DMTF1: variants seen among roughly 807,000 people sequenced by gnomAD.
The protein encoded by DMTF1 is cyclin-D-binding Myb-like transcription factor 1.
In DMTF1, 39 loss-of-function variants were observed where a neutral mutation model predicts 91.1. The ratio of observed to expected loss-of-function variants is 0.43; its 90% CI spans 0.33 to 0.56. DMTF1 has a LOEUF of 0.56. Among genes scored for constraint, DMTF1 ranks in the 20% least tolerant of loss-of-function variants. The pLI is 0.05. For missense variants in DMTF1, 750 were observed against 914.5 expected, an observed-to-expected ratio of 0.82 and a Z score of 2.32; for synonymous variants, 338 against 309.5, an observed-to-expected ratio of 1.09 and a Z score of -0.97.
intron 15 of DMTF1, 26 bp downstream of exon 15, chr7:87,193,379 T>C: frequency 6.2e-7 from 1 of 1,611,398 alleles, no homozygotes; most frequent in Non-Finnish European, 8.5e-7. Context: ...TACTTGATTT[T>C]TGAGTACCTG....
At chr7:87,157,216 A>G (rs994225102) in intron 1 of DMTF1, among the ~76,000 whole-genome samples, 1 of 152,130 alleles carries the variant, frequency 6.6e-6, no homozygotes, top group African/African-American at 2.4e-5. Flanking sequence ...TAACTCACCT[A>G]ACAAAATTGT....
At chr7:87,170,321 G>C (rs1794780630) in intron 4 of DMTF1, among the ~76,000 whole-genome samples, 1 of 152,142 alleles carries the variant, frequency 6.6e-6, no homozygotes, top group Non-Finnish European at 1.5e-5. Context: ...ATAGCAGCCA[G>C]AGTGAGCCTC....
At chr7:87,170,345 T>C (rs6952842) in intron 4 of DMTF1, among the ~76,000 whole-genome samples, 113,918 of 152,080 alleles carry the variant, frequency 0.75, 42,895 homozygotes, top group Middle Eastern at 0.87. Context: ...AAATAAAAGA[T>C]TATATTATTC....
At position 87,181,299 on chromosome 7, in the gene DMTF1, G is replaced by A. The variant is rs773202655; in HGVS notation, c.678-10G>A. The stretch of plus-strand genomic sequence containing the variant: ...TAATTGATTTTTTAAAAATTTCTCT[G>A]AATTTCTAGATATACACCTGAAGAA... On this transcript the variant is annotated splice_polypyrimidine_tract_variant and intron_variant, in intron 8 of 17. Coordinates refer to ENST00000331242, the MANE Select transcript of DMTF1 (RefSeq NM_001142327.2). 3 of 1,234,640 alleles carry A rather than the reference G, an allele frequency of 2.4e-6. No homozygotes were observed. The highest frequency in any genetic ancestry group is 1.3e-5 in the South Asian group (1 of 75,988). 76.5% of individuals were successfully genotyped at this position (1,234,640 alleles called of 1,614,324 possible).
At chr7:87,167,943 G>C (rs1794213816) in intron 4 of DMTF1, among the ~76,000 whole-genome samples, 1 of 152,100 alleles carries the variant, frequency 6.6e-6, no homozygotes, top group Admixed American at 6.5e-5. Context: ...GCAATGTCTT[G>C]TTCATGATTG....
At chr7:87,155,457 C>T (rs899834885) in intron 1 of DMTF1, 2 of 151,958 alleles carry the variant, frequency 1.3e-5, no homozygotes, top group Non-Finnish European at 2.9e-5. Flanking sequence ...AATTGCAGCT[C>T]CTTTATGTCT....
chr7:87,187,817 G>T, intron 12 of DMTF1: 1 of 428,384 alleles, frequency 2.3e-6, no homozygotes, highest in Non-Finnish European at 4.2e-6. Flanking sequence ...AAAATGTCCT[G>T]TTTCCATGTT....
At chr7:87,171,382 C>T (rs956091741) in intron 5 of DMTF1, among the ~76,000 whole-genome samples, 1 of 152,108 alleles carries the variant, frequency 6.6e-6, no homozygotes, top group African/African-American at 2.4e-5. Context: ...TAACTTTAGA[C>T]ACAAAATGGA....
At chr7:87,164,519 A>T (rs893092820) in intron 2 of DMTF1, among the ~76,000 whole-genome samples, 3 of 152,228 alleles carry the variant, frequency 2.0e-5, no homozygotes, top group Non-Finnish European at 4.4e-5. Context: ...AAATGTTTTG[A>T]AAAAATAATT....
rs1305610225 is a variant in DMTF1, at chr7:87,194,726, A to G, written c.2071A>G (p.Ile691Val). 1.2e-6 allele frequency: 2 copies of G among 1,611,040 alleles called. No individual in the cohort carries two copies. The highest frequency in any genetic ancestry group is 2.2e-5 in the East Asian group (1 of 44,762). Reference protein sequence around the residue: ...PTIEEQVDQTIDDETILIVPS... With the variant: ...PTIEEQVDQTVDDETILIVPS... Reference sequence around the variant, plus strand: ...TATAGAAGAACAAGTTGATCAAACAATTGATGATGAAACAATACTTATCGT... The same window carrying G: ...TATAGAAGAACAAGTTGATCAAACAGTTGATGATGAAACAATACTTATCGT... Residue 691 changes from isoleucine to valine, a missense_variant, in exon 17 of 18, where the codon ATT (isoleucine) becomes GTT (valine). By Grantham distance (29) the Ile-to-Val change is conservative. This residue lies in a region of DMTF1 where 410 missense variants were observed against 420.2 expected (regional missense o/e 0.98). Transcript: ENST00000331242.
At chr7:87,180,825 AAAAAAT>A (rs1363230284) in intron 8 of DMTF1, among the ~76,000 whole-genome samples, 2 of 152,044 alleles carry the variant, frequency 1.3e-5, no homozygotes, top group Non-Finnish European at 2.9e-5. Context: ...ACTGTTTAAA[AAAAAAT>A]AAAAATAGAA....
At chr7:87,175,578 A>G (rs1796098513) in intron 7 of DMTF1, among the ~76,000 whole-genome samples, 1 of 152,178 alleles carries the variant, frequency 6.6e-6, no homozygotes, top group Admixed American at 6.5e-5. Flanking sequence ...AAAGCCTGGT[A>G]TCATGTGAAT....
intron 13 of DMTF1, among the ~76,000 whole-genome samples, chr7:87,190,311 A>C (rs906731704): frequency 5.9e-5 from 9 of 152,220 alleles, no homozygotes; most frequent in African/African-American, 2.2e-4. Flanking sequence ...AGGTAAAAAA[A>C]AAAATACCTG....
intron 4 of DMTF1, among the ~76,000 whole-genome samples, chr7:87,167,124 T>C (rs1166426802): frequency 6.6e-6 from 1 of 152,234 alleles, no homozygotes; most frequent in Non-Finnish European, 1.5e-5. Context: ...AGAGCATATC[T>C]AGGCATTCTG....
At chr7:87,175,054 T>C (rs548504731) in intron 7 of DMTF1, among the ~76,000 whole-genome samples, 1 of 151,718 alleles carries the variant, frequency 6.6e-6, no homozygotes, top group African/African-American at 2.4e-5. Flanking sequence ...AGTCTTGCTC[T>C]GTTGCCCAGG....
intron 2 of DMTF1, among the ~76,000 whole-genome samples, chr7:87,164,007 G>A (rs1793161048): frequency 1.5e-5 from 2 of 137,630 alleles, no homozygotes; most frequent in South Asian, 4.8e-4. Flanking sequence ...CTGTGCCTGT[G>A]AATAGCCTCT....
intron 7 of DMTF1, 50 bp downstream of exon 7, chr7:87,174,719 G>A (rs1795862741): frequency 2.3e-6 from 3 of 1,307,310 alleles, no homozygotes; most frequent in East Asian, 4.7e-5. Flanking sequence ...ATTGCCAATT[G>A]CAAAAATATC....
At position 87,164,947 on chromosome 7, in the gene DMTF1, C is replaced by A; in HGVS notation, c.6C>A (p.Ser2Arg). 1 of 1,602,654 alleles carries A rather than the reference C, an allele frequency of 6.2e-7. No homozygotes were observed. Among genetic ancestry groups the A allele is most frequent in the Non-Finnish European group, 8.5e-7 (1 of 1,173,308 alleles). ...GTTCTTGTACAGATTTGAGTATGAG[C>A]ACAGTGGAAGAGGATTCTGACACAG... M[S>R]TVEEDSDTVT... The change falls in exon 3 of 18, where the codon AGC becomes AGA. Residue 2 changes from serine (S) to arginine (R), a missense_variant. This residue lies in a region of DMTF1 where 150 missense variants were observed against 150.4 expected (regional missense o/e 1.00). Transcript: ENST00000331242.
At chr7:87,178,907 C>G (rs931088872) in intron 7 of DMTF1, among the ~76,000 whole-genome samples, 1 of 151,336 alleles carries the variant, frequency 6.6e-6, no homozygotes, top group African/African-American at 2.4e-5. Context: ...ATAACTGATT[C>G]GATTTTCTTG....
Sources: gnomAD v4.1 joint callset for allele counts (sites outside exome capture counted in the v4.1 genomes callset) on GRCh38, gnomAD v4.1.1 for gene constraint, gnomAD v4.1.1 regional missense constraint, MANE v1.5 for transcripts, NCBI Gene and HGNC (gene_info 2026-07-23, HGNC 2026-07-21) for gene names.